The following RYR2 variants were observed in gnomAD, a reference collection of about 807,000 sequenced individuals.
RYR2 encodes ryanodine receptor 2, also known as cardiac muscle ryanodine receptor-calcium release channel.
RYR2 carries 227 observed loss-of-function variants against 601.1 expected under a neutral mutation model. That is an observed-to-expected ratio of 0.38 (90% confidence interval 0.34 to 0.42). The LOEUF (loss-of-function observed/expected upper bound fraction) is 0.42. RYR2 is among the 10% of genes least tolerant of loss of function. The pLI, the probability that RYR2 is intolerant of heterozygous loss-of-function variation, is 1.00. For synonymous variants in RYR2, 2,223 were observed against 2,175.1 expected, an observed-to-expected ratio of 1.02 and a Z score of -0.61; for missense variants, 4,646 against 6,156.5, an observed-to-expected ratio of 0.75 and a Z score of 8.21.
chr1:237,572,781 T>C (rs1672834427), intron 29 of RYR2, among the ~76,000 whole-genome samples: 1 of 152,168 alleles, frequency 6.6e-6, no homozygotes, highest in African/African-American at 2.4e-5. Context: ...AATTTTCTAC[T>C]ATAGAAAGGC....
intron 8 of RYR2, 106 bp from the exon 9 acceptor site, chr1:237,387,175 A>C: frequency 1.0e-6 from 1 of 953,638 alleles, no homozygotes; most frequent in Non-Finnish European, 1.7e-6. Flanking sequence ...GATGTTCTCT[A>C]TGAACATAAC....
intron 1 of RYR2, among the ~76,000 whole-genome samples, chr1:237,260,515 A>G (rs530002833): frequency 1.3e-5 from 2 of 152,278 alleles, no homozygotes; most frequent in Non-Finnish European, 2.9e-5. Context: ...GAGTGAAGGC[A>G]GGTCACAAGT....
At chr1:237,611,364 A>C (rs1343038601) in intron 36 of RYR2, among the ~76,000 whole-genome samples, 2 of 152,186 alleles carry the variant, frequency 1.3e-5, no homozygotes, top group Middle Eastern at 3.2e-3. Context: ...AATCATAAGA[A>C]TCACTTATGA....
chr1:237,819,789 G>T lies in RYR2; in HGVS notation c.14590+597G>T, dbSNP rs768683223. Among the ~76,000 whole-genome samples, 9 of 152,114 alleles carry T rather than the reference G, an allele frequency of 5.9e-5. No individual in the cohort carries two copies. The highest frequency in any genetic ancestry group is 1.0e-4 in the Non-Finnish European group (7 of 68,024). ...GCCAAGATCACGCCACTGCACTCCA[G>T]CCTGGGCAACAAGAGCGAAACTCCA... On this transcript the variant is annotated intron_variant, in intron 101 of 104. Transcript: ENST00000366574. The surrounding 1 kb of genome is among the most constrained non-coding windows in gnomAD (Gnocchi z 4.0).
At position 237,649,913 on chromosome 1, in the gene RYR2, A is replaced by G; in HGVS notation, c.7549A>G (p.Asn2517Asp). ...LSATDMALAL[N>D]RYLCTAVLPL... ...TGCTACAGACATGGCCTTGGCCCTC[A>G]ATCGGTACCTTTGCACAGCCGTCTT... The change falls in exon 50 of 105, where the codon AAT becomes GAT. Residue 2517 changes from asparagine to aspartate, a missense_variant. Coordinates refer to ENST00000366574, the MANE Select transcript of RYR2 (RefSeq NM_001035.3). 2 of 1,613,894 alleles carry G rather than the reference A, an allele frequency of 1.2e-6. No homozygotes were observed. Among genetic ancestry groups the G allele is most frequent in the Non-Finnish European group, 1.7e-6 (2 of 1,179,870 alleles).
chr1:237,275,031 T>C (rs1401823690), intron 2 of RYR2, among the ~76,000 whole-genome samples: 1 of 151,930 alleles, frequency 6.6e-6, no homozygotes, highest in Non-Finnish European at 1.5e-5. Context: ...GTCCCCATCA[T>C]TAAGTGATGC....
At chr1:237,557,904 T>A (rs950807132) in intron 27 of RYR2, among the ~76,000 whole-genome samples, 6 of 152,160 alleles carry the variant, frequency 3.9e-5, no homozygotes, top group Non-Finnish European at 7.3e-5. Flanking sequence ...TTGAGGTGCA[T>A]GTGAGACAAC....
rs559378155 is a variant in RYR2 at position 237,073,268 on chromosome 1, G to A, written c.48+30699G>A. On this transcript the variant is annotated intron_variant, in intron 1 of 104. Coordinates refer to ENST00000366574, the MANE Select transcript of RYR2 (RefSeq NM_001035.3). ...CCTGCTTTGGATGGGCCTCTCTCTC[G>A]AGCAGACAAGGAAGATCGTGCCAGG... Among the ~76,000 whole-genome samples, 323 of 152,210 alleles carry A rather than the reference G, an allele frequency of 2.1e-3. 1 individual carries two copies. The highest frequency in any genetic ancestry group is 7.4e-3 in the African/African-American group (308 of 41,522).
At chr1:237,100,518 C>G (rs1200117324) in intron 1 of RYR2, among the ~76,000 whole-genome samples, 1 of 151,848 alleles carries the variant, frequency 6.6e-6, no homozygotes, top group Non-Finnish European at 1.5e-5. Context: ...TCCTGAGCAG[C>G]TAGGATTACA....
intron 10 of RYR2, among the ~76,000 whole-genome samples, chr1:237,396,813 C>T (rs1326462750): frequency 6.6e-6 from 1 of 152,122 alleles, no homozygotes; most frequent in African/African-American, 2.4e-5. Context: ...CTAAACTTCA[C>T]ATTTTATATC....
rs142817265 is a variant in RYR2, at chr1:237,781,430, C to T, written c.11881-135C>T. 6.9e-4 allele frequency: 389 copies of T among 560,578 alleles called. 1 individual carries two copies. The highest frequency in any genetic ancestry group is 9.9e-4 in the Non-Finnish European group (308 of 310,356). 34.7% of individuals were successfully genotyped at this position (560,578 alleles called of 1,614,324 possible). On this transcript the variant is annotated intron_variant, in intron 88 of 104. Coordinates refer to ENST00000366574, the MANE Select transcript of RYR2 (RefSeq NM_001035.3). ...AAGTATAACTATTTTTAATATTTGG[C>T]CCTCCTTTAGTTCCATAATGCTTCA... is the stretch of plus-strand genomic sequence containing the variant.
chr1:237,680,562 AAG>A lies in RYR2; in HGVS notation c.9004_9005del (p.Glu3002AsnfsTer4). On this transcript the variant is annotated frameshift_variant, in exon 62 of 105. Transcript: ENST00000366574. LOFTEE classifies it high-confidence loss of function. ...GGAGGACATGCTTCCAACAAAGAGA[AAG>A]AAATGGTGACTAGGTAAACAGCTAT... 1 of 1,603,812 alleles carries A rather than the reference AAG, an allele frequency of 6.2e-7. No individual in the cohort carries two copies. Among genetic ancestry groups the A allele is most frequent in the African/African-American group, 1.3e-5 (1 of 74,946 alleles).
At chr1:237,719,775 G>A (rs911501967) in intron 73 of RYR2, among the ~76,000 whole-genome samples, 1 of 151,610 alleles carries the variant, frequency 6.6e-6, no homozygotes. Context: ...CCAACACTGA[G>A]GATTACATTT....
intron 1 of RYR2, among the ~76,000 whole-genome samples, chr1:237,142,020 C>T (rs908172771): frequency 1.3e-5 from 2 of 152,230 alleles, no homozygotes; most frequent in Admixed American, 6.5e-5. Flanking sequence ...TCCCTTCTTA[C>T]AGCCAGCCAA....
chr1:237,714,463 G>A (rs1445254042), intron 71 of RYR2, among the ~76,000 whole-genome samples: 1 of 152,090 alleles, frequency 6.6e-6, no homozygotes, highest in East Asian at 1.9e-4. Context: ...GAGGGTGGAG[G>A]AGCCTGCTGA....
intron 1 of RYR2, among the ~76,000 whole-genome samples, chr1:237,183,076 CT>C (rs1373708308): frequency 1.1e-4 from 17 of 152,146 alleles, no homozygotes; most frequent in Admixed American, 1.1e-3. Context: ...CCGATCCTGA[CT>C]CAGGCCCTTC....
At chr1:237,564,420 C>T (rs554741852) in intron 27 of RYR2, among the ~76,000 whole-genome samples, 1 of 152,176 alleles carries the variant, frequency 6.6e-6, no homozygotes, top group Non-Finnish European at 1.5e-5. Context: ...CAGGCATATG[C>T]CACCAGGCCC....
intron 12 of RYR2, among the ~76,000 whole-genome samples, chr1:237,436,845 T>C (rs1707432892): frequency 6.7e-6 from 1 of 150,004 alleles, no homozygotes; most frequent in African/African-American, 2.5e-5. Flanking sequence ...GGACTAGTTT[T>C]AGTCTTTTAC....
At chr1:237,067,745 T>C (rs1164798101) in intron 1 of RYR2, among the ~76,000 whole-genome samples, 9 of 152,252 alleles carry the variant, frequency 5.9e-5, no homozygotes, top group Admixed American at 3.3e-4. Context: ...TTCCAATGCG[T>C]GAACACTGTA....
Sources: gnomAD v4.1 joint callset for allele counts (sites outside exome capture counted in the v4.1 genomes callset) on GRCh38, gnomAD v4.1.1 for gene constraint, Gnocchi (gnomAD v3.1) non-coding constraint, MANE v1.5 for transcripts, NCBI Gene and HGNC (gene_info 2026-07-23, HGNC 2026-07-21) for gene names.